Variants in EBF2 observed in about 807,000 individuals in gnomAD.
EBF2 encodes the protein transcription factor COE2.
In EBF2, 21 loss-of-function variants were observed where a neutral mutation model predicts 72.8. The observed-to-expected ratio is 0.29, with a 90% confidence interval of 0.20 to 0.42. The LOEUF (loss-of-function observed/expected upper bound fraction) is 0.42, where lower values mean the gene tolerates loss of function less well. EBF2 is among the 10% of genes least tolerant of loss of function. The pLI, the probability that EBF2 is intolerant of heterozygous loss-of-function variation, is 1.00. For missense variants in EBF2, 637 were observed against 731.2 expected, an observed-to-expected ratio of 0.87 and a Z score of 1.49; for synonymous variants, 299 against 274.2, an observed-to-expected ratio of 1.09 and a Z score of -0.89.
chr8:25,900,499 T>C (rs1389253283), intron 7 of EBF2, among the ~76,000 whole-genome samples: 1 of 152,120 alleles, frequency 6.6e-6, no homozygotes, highest in Non-Finnish European at 1.5e-5. Flanking sequence ...TCTTTCCATA[T>C]CTACTGACAT....
intron 10 of EBF2, among the ~76,000 whole-genome samples, chr8:25,883,668 G>A (rs191346797): frequency 6.6e-6 from 1 of 152,194 alleles, no homozygotes; most frequent in East Asian, 1.9e-4. Context: ...GGTTCCAAAT[G>A]TCTACATCAA....
chr8:26,007,355 G>GA (rs2117229449), intron 6 of EBF2, among the ~76,000 whole-genome samples: 1 of 152,210 alleles, frequency 6.6e-6, no homozygotes, highest in East Asian at 1.9e-4. Context: ...CATGAAACGT[G>GA]AATCACTTTG....
At chr8:25,926,184 T>C (rs1803383044) in intron 6 of EBF2, among the ~76,000 whole-genome samples, 1 of 151,966 alleles carries the variant, frequency 6.6e-6, no homozygotes, top group Non-Finnish European at 1.5e-5. Flanking sequence ...TGGGCCACAA[T>C]ACAACATGGG....
At chr8:25,873,729 G>A (rs1325823628) in intron 10 of EBF2, among the ~76,000 whole-genome samples, 1 of 152,050 alleles carries the variant, frequency 6.6e-6, no homozygotes, top group African/African-American at 2.4e-5. Context: ...TTTGAAGAAG[G>A]GAATAATATA....
chr8:25,860,065 A>G (rs1181545526), intron 13 of EBF2, among the ~76,000 whole-genome samples: 2 of 152,122 alleles, frequency 1.3e-5, no homozygotes, highest in Admixed American at 1.3e-4. Context: ...AAAATGAGGA[A>G]TTCTCTTCCA....
intron 7 of EBF2, among the ~76,000 whole-genome samples, chr8:25,900,315 T>A (rs759290728): frequency 1.3e-5 from 2 of 151,998 alleles, no homozygotes; most frequent in Non-Finnish European, 2.9e-5. Context: ...AATTAGCTGG[T>A]TTTTTGTGTT....
chr8:25,991,029 C>T (rs1347022508), intron 6 of EBF2, among the ~76,000 whole-genome samples: 4 of 152,150 alleles, frequency 2.6e-5, no homozygotes, highest in African/African-American at 4.8e-5. Flanking sequence ...ATCCCTCAAA[C>T]TGTAGCTCTT....
chr8:25,907,776 G>T (rs1803062719), intron 7 of EBF2, among the ~76,000 whole-genome samples: 1 of 152,132 alleles, frequency 6.6e-6, no homozygotes, highest in East Asian at 1.9e-4. Context: ...TCTAGAACGG[G>T]GTGTGAGTGG....
chr8:25,947,459 C>A (rs549245291), intron 6 of EBF2, among the ~76,000 whole-genome samples: 15 of 152,228 alleles, frequency 9.9e-5, no homozygotes, highest in Non-Finnish European at 2.1e-4. Context: ...CAGACTAATA[C>A]ACGCATGCTG....
At chr8:26,011,976 A>G (rs145443152) in intron 6 of EBF2, among the ~76,000 whole-genome samples, 2 of 152,258 alleles carry the variant, frequency 1.3e-5, no homozygotes, top group Non-Finnish European at 2.9e-5. Flanking sequence ...TAACAAAGGG[A>G]GCCTTGAAAG....
chr8:25,997,294 G>C (rs1804649249), intron 6 of EBF2, among the ~76,000 whole-genome samples: 1 of 152,208 alleles, frequency 6.6e-6, no homozygotes, highest in Non-Finnish European at 1.5e-5. Flanking sequence ...AATTAGGCCA[G>C]GCATTGTGGC....
At chr8:25,851,347 G>A (rs972016944) in intron 14 of EBF2, among the ~76,000 whole-genome samples, 1 of 151,686 alleles carries the variant, frequency 6.6e-6, no homozygotes, top group Admixed American at 6.6e-5. Flanking sequence ...GTAATTTCAA[G>A]TGCTCTTGGG....
At chr8:25,875,999 T>G (rs555304308) in intron 10 of EBF2, among the ~76,000 whole-genome samples, 1 of 152,252 alleles carries the variant, frequency 6.6e-6, no homozygotes, top group South Asian at 2.1e-4. Context: ...AGCAAAGACT[T>G]GGAACCAACC....
In EBF2 at chr8:25,845,125, A is replaced by AT. The variant is rs531197690; in HGVS notation, c.1697-486dup. On this transcript the variant is annotated intron_variant, in intron 15 of 15. Coordinates refer to ENST00000520164, the MANE Select transcript of EBF2 (RefSeq NM_022659.4). ...TATCCTTCACTTCTTTGGTGAGTGC[A>AT]TTTTTTTTTTAATTAGCTCATCTTC... 8.6e-3 allele frequency among the ~76,000 whole-genome samples: 1,286 copies of AT among 149,466 alleles called. 18 individuals carry two copies. Among genetic ancestry groups the AT allele is most frequent in the African/African-American group, 0.03 (1,213 of 40,778 alleles).
At chr8:26,005,006 A>G (rs1388332602) in intron 6 of EBF2, among the ~76,000 whole-genome samples, 1 of 150,968 alleles carries the variant, frequency 6.6e-6, no homozygotes, top group Non-Finnish European at 1.5e-5. Flanking sequence ...TCTTCTTTTG[A>G]GGTAGACAAG....
intron 6 of EBF2, among the ~76,000 whole-genome samples, chr8:26,018,244 T>G: frequency 1.4e-5 from 2 of 144,624 alleles, no homozygotes; most frequent in Non-Finnish European, 1.5e-5. Context: ...ACTTAGGGAG[T>G]GGAAGATGGG....
chr8:25,862,081 C>A (rs1563379421), intron 11 of EBF2, among the ~76,000 whole-genome samples: 1 of 152,070 alleles, frequency 6.6e-6, no homozygotes, highest in Non-Finnish European at 1.5e-5. Context: ...TCACAGTATG[C>A]AAAAGAGAAT....
chr8:25,850,528 C>T (rs1801942765), intron 15 of EBF2, 66 bp downstream of exon 15: 1 of 1,448,452 alleles, frequency 6.9e-7, no homozygotes, highest in African/African-American at 1.5e-5. Context: ...CAATGATGTG[C>T]TGTTTGCTCT....
intron 6 of EBF2, 149 bp downstream of exon 6, chr8:26,032,936 A>G: frequency 3.0e-6 from 2 of 667,750 alleles, no homozygotes; most frequent in South Asian, 3.7e-5. Flanking sequence ...AAGAAAGGCC[A>G]GCATGAGGAG....
Sources: gnomAD v4.1 joint callset for allele counts (sites outside exome capture counted in the v4.1 genomes callset) on GRCh38, gnomAD v4.1.1 for gene constraint, MANE v1.5 for transcripts, NCBI Gene and HGNC (gene_info 2026-07-23, HGNC 2026-07-21) for gene names.